Variants in RBFOX1 observed in about 807,000 individuals in gnomAD.
RBFOX1 encodes RNA binding protein fox-1 homolog 1.
In RBFOX1, 8 loss-of-function variants were observed where a neutral mutation model predicts 57.7. The ratio of observed to expected loss-of-function variants is 0.14; its 90% confidence interval spans 0.08 to 0.25. The LOEUF is 0.25. RBFOX1 is among the 10% of genes least tolerant of loss of function. The pLI is 1.00. For missense variants in RBFOX1, 611 were observed against 548.5 expected (o/e 1.11, Z -1.14); for synonymous variants, 326 against 222.4 (o/e 1.47, Z -4.15).
chr16:7,274,319 A>C (rs1404997025), intron 4 of RBFOX1, among the ~76,000 whole-genome samples: 1 of 152,142 alleles, frequency 6.6e-6, no homozygotes, highest in Non-Finnish European at 1.5e-5. Flanking sequence ...TGTTATCCCC[A>C]TTTTATTCTT....
At chr16:5,593,352 GT>G (rs1288388518) in intron 2 of RBFOX1, among the ~76,000 whole-genome samples, 1 of 148,406 alleles carries the variant, frequency 6.7e-6, no homozygotes, top group Non-Finnish European at 1.5e-5. Flanking sequence ...AGGGTGGGGG[GT>G]TAGGGGAGGG....
intron 3 of RBFOX1, among the ~76,000 whole-genome samples, chr16:6,730,435 T>A (rs1294429102): frequency 2.4e-5 from 1 of 41,352 alleles, no homozygotes; most frequent in East Asian, 1.4e-3. Flanking sequence ...CTATATCTAA[T>A]CTATCAATTT....
chr16:6,748,475 A>G (rs1468343557), intron 3 of RBFOX1, among the ~76,000 whole-genome samples: 7 of 152,262 alleles, frequency 4.6e-5, no homozygotes, highest in Non-Finnish European at 1.0e-4. Flanking sequence ...AGCCTGGGCA[A>G]CATAACAAGA....
At chr16:6,628,322 C>T (rs973593058) in intron 2 of RBFOX1, among the ~76,000 whole-genome samples, 5 of 152,176 alleles carry the variant, frequency 3.3e-5, no homozygotes, top group African/African-American at 7.2e-5. Flanking sequence ...CTACCGGTAT[C>T]TTCCTAAACC....
intron 5 of RBFOX1, among the ~76,000 whole-genome samples, chr16:7,562,326 T>TAGG (rs1349933192): frequency 1.3e-5 from 2 of 152,136 alleles, no homozygotes; most frequent in Non-Finnish European, 2.9e-5. Context: ...ACCTGCCGCC[T>TAGG]GTTCCCTGTA....
chr16:5,900,678 C>T (rs191739118), intron 4 of RBFOX1, among the ~76,000 whole-genome samples: 3 of 152,262 alleles, frequency 2.0e-5, no homozygotes, highest in Admixed American at 6.5e-5. Context: ...AAAAACAAAT[C>T]GCAGCTCTCC....
chr16:5,535,515 C>G lies in RBFOX1; in HGVS notation c.259-63387C>G, dbSNP rs187453374. Among the ~76,000 whole-genome samples, 37 of 152,316 alleles carry G rather than the reference C, an allele frequency of 2.4e-4. No homozygotes were observed. The East Asian group carries it at 6.6e-3, about 27-fold the overall frequency. On this transcript the variant is annotated intron_variant, in intron 2 of 2. Coordinates refer to the RBFOX1 transcript ENST00000585867. Reference sequence around the variant, plus strand: ...AGTCCCAAGGAGTTTACAAATCCAGCTGGCAAAATTTCCTAGTTTCCAGCC... The same window carrying G: ...AGTCCCAAGGAGTTTACAAATCCAGGTGGCAAAATTTCCTAGTTTCCAGCC...
At chr16:5,666,999 C>T (rs1199732332) in intron 3 of RBFOX1, among the ~76,000 whole-genome samples, 2 of 152,174 alleles carry the variant, frequency 1.3e-5, no homozygotes, top group Non-Finnish European at 2.9e-5. Context: ...GGCTTGTTTT[C>T]CCAAGGGCTG....
chr16:5,305,118 A>G (rs748759922), intron 1 of RBFOX1, among the ~76,000 whole-genome samples: 1 of 152,162 alleles, frequency 6.6e-6, no homozygotes, highest in Non-Finnish European at 1.5e-5. Context: ...GTGCGTGTTG[A>G]GAAGTCTGAA....
intron 2 of RBFOX1, among the ~76,000 whole-genome samples, chr16:5,470,228 C>G (rs1299352305): frequency 6.6e-6 from 1 of 152,164 alleles, no homozygotes; most frequent in African/African-American, 2.4e-5. Flanking sequence ...GAACATCAGC[C>G]CTGGGTAGCA....
At chr16:6,656,950 C>G (rs2098660462) in intron 3 of RBFOX1, among the ~76,000 whole-genome samples, 3 of 130,928 alleles carry the variant, frequency 2.3e-5, no homozygotes, top group Non-Finnish European at 3.3e-5. Context: ...CCCCTTTCCT[C>G]TCCTCCCCTT....
chr16:7,060,552 A>G (rs1452548440), intron 4 of RBFOX1, among the ~76,000 whole-genome samples: 1 of 152,238 alleles, frequency 6.6e-6, no homozygotes, highest in Non-Finnish European at 1.5e-5. Context: ...CTTTTAAAGA[A>G]CAGAATAGCT....
At chr16:6,802,883 G>A (rs1022584776) in intron 3 of RBFOX1, among the ~76,000 whole-genome samples, 1 of 152,176 alleles carries the variant, frequency 6.6e-6, no homozygotes, top group Admixed American at 6.5e-5. Flanking sequence ...AGCTGACATA[G>A]TGGAATTGTG....
intron 3 of RBFOX1, among the ~76,000 whole-genome samples, chr16:6,667,971 T>C (rs2098742869): frequency 4.6e-5 from 7 of 152,318 alleles, no homozygotes. Flanking sequence ...CTTTTTTAAA[T>C]CTTTGACTCT....
Position 5,330,707 on chromosome 16 carries a change from CT to C in RBFOX1, c.219+90619del, listed in dbSNP as rs772757574. Among the ~76,000 whole-genome samples the C allele has an allele frequency of 7.8e-3, 1,051 of 134,732 alleles. 5 individuals carry two copies. The highest frequency in any genetic ancestry group is 0.052 in the South Asian group (215 of 4,100). 88.4% of individuals were successfully genotyped at this position (134,732 alleles called of 152,430 possible). A position where few individuals can be genotyped will look rare whatever the true frequency, so the allele number is the denominator to read the frequency against. On this transcript the variant is annotated intron_variant, in intron 1 of 2. Transcript: ENST00000585867. ...GGTGTGAGCCAGTTTGCCCAGCCTA[CT>C]TTTTTTTTTTTTTTTTAATGAGAAA...
intron 2 of RBFOX1, among the ~76,000 whole-genome samples, chr16:6,601,712 C>T (rs1034357599): frequency 6.6e-6 from 1 of 152,122 alleles, no homozygotes; most frequent in African/African-American, 2.4e-5. Context: ...CATCTTAAGT[C>T]ATTCTCCCGG....
intron 5 of RBFOX1, among the ~76,000 whole-genome samples, chr16:7,553,888 T>C (rs2087415105): frequency 1.3e-5 from 2 of 152,232 alleles, no homozygotes; most frequent in South Asian, 4.1e-4. Context: ...CAGGTCTTTT[T>C]GAAGAGCTAA....
At position 6,377,562 on chromosome 16, in the gene RBFOX1, A is replaced by G. The variant is rs556715519; in HGVS notation, c.-64+60505A>G. On this transcript the variant is annotated intron_variant, in intron 2 of 15. Transcript: ENST00000550418. ...GCCTGCCTGCGTAGAATCAAGAACAACATGCACTTCAGTGGAATTTGGGAA... is the reference window on the plus strand; with the variant it reads ...GCCTGCCTGCGTAGAATCAAGAACAGCATGCACTTCAGTGGAATTTGGGAA... Among the ~76,000 whole-genome samples the G allele has an allele frequency of 3.9e-5, 6 of 152,308 alleles. No individual in the cohort carries two copies. In the South Asian group the frequency reaches 1.2e-3, roughly 32 times the overall value.
intron 1 of RBFOX1, among the ~76,000 whole-genome samples, chr16:6,312,701 CTTCCTTCCTTCCTCCA>C (rs1567912156): frequency 1.4e-5 from 2 of 141,320 alleles, no homozygotes; most frequent in Admixed American, 1.5e-4. Context: ...TCCTTCCTTC[CTTCCTTCCTTCCTCCA>C]TTCCTTCCTT....
Sources: allele counts gnomAD v4.1 joint callset (sites outside exome capture counted in the v4.1 genomes callset), GRCh38; gene constraint gnomAD v4.1.1; transcripts MANE v1.5; gene names NCBI Gene and HGNC (gene_info 2026-07-23, HGNC 2026-07-21).